The following GABRG3 variants were observed in gnomAD, a reference collection of about 807,000 sequenced individuals.
GABRG3 encodes the protein gamma-aminobutyric acid type A receptor subunit gamma3, also known as gamma-aminobutyric acid receptor subunit gamma-3.
GABRG3 carries 25 observed loss-of-function variants against 48.8 expected under a neutral mutation model. The ratio of observed to expected loss-of-function variants is 0.51; its 90% CI spans 0.37 to 0.72. GABRG3 has a LOEUF of 0.72. GABRG3 is among the 30% of genes least tolerant of loss of function. The pLI, the probability that GABRG3 is intolerant of heterozygous loss-of-function variation, is 0.00. For synonymous variants in GABRG3, 227 were observed against 217.6 expected (o/e 1.04, Z -0.38); for missense variants, 394 against 577.9 (o/e 0.68, Z 3.26).
rs192175128 is a variant in GABRG3, at chr15:27,124,991, C to G, written c.270+98170C>G. Among the ~76,000 whole-genome samples the G allele has an allele frequency of 1.6e-3, 241 of 152,314 alleles. 1 individual carries two copies. Among genetic ancestry groups the G allele is most frequent in the Non-Finnish European group, 3.0e-3 (202 of 68,026 alleles). ...TGGTACTATTCTTCCTGCTTGCTTA[C>G]TGCTGTGTGGGATTATTTCTCCCTA... On this transcript the variant is annotated intron_variant, in intron 3 of 9. Coordinates refer to ENST00000615808, the MANE Select transcript of GABRG3 (RefSeq NM_033223.5).
At chr15:27,053,020 G>T (rs913339814) in intron 3 of GABRG3, among the ~76,000 whole-genome samples, 1 of 152,180 alleles carries the variant, frequency 6.6e-6, no homozygotes, top group African/African-American at 2.4e-5. Context: ...ACTCAAGGCG[G>T]ATTAAAGGCT....
At chr15:27,305,518 A>T (rs1398089599) in intron 3 of GABRG3, among the ~76,000 whole-genome samples, 1 of 146,124 alleles carries the variant, frequency 6.8e-6, no homozygotes, top group East Asian at 2.0e-4. Flanking sequence ...ATATAAACAT[A>T]TATATAATAT....
intron 2 of GABRG3, among the ~76,000 whole-genome samples, chr15:26,993,253 G>A (rs1468879576): frequency 1.3e-5 from 2 of 151,886 alleles, no homozygotes; most frequent in African/African-American, 4.8e-5. Context: ...CTCATTTTGA[G>A]TTTGGTTTGC....
intron 5 of GABRG3, among the ~76,000 whole-genome samples, chr15:27,452,644 T>G (rs1427275980): frequency 6.6e-6 from 1 of 152,208 alleles, no homozygotes; most frequent in Non-Finnish European, 1.5e-5. Flanking sequence ...CATAGAGGTC[T>G]TCATCCTCAT....
intron 3 of GABRG3, among the ~76,000 whole-genome samples, chr15:27,085,867 C>A (rs762093180): frequency 1.3e-5 from 2 of 152,148 alleles, no homozygotes; most frequent in African/African-American, 2.4e-5. Flanking sequence ...TTCTGCAAAT[C>A]TACAATGATC....
At chr15:27,235,754 A>G (rs1347125643) in intron 3 of GABRG3, among the ~76,000 whole-genome samples, 2 of 152,094 alleles carry the variant, frequency 1.3e-5, no homozygotes, top group African/African-American at 2.4e-5. Context: ...AATATCTTAG[A>G]CTCCAGGCTC....
intron 5 of GABRG3, among the ~76,000 whole-genome samples, chr15:27,403,982 G>A (rs1182773213): frequency 6.6e-6 from 1 of 151,650 alleles, no homozygotes; most frequent in Non-Finnish European, 1.5e-5. Flanking sequence ...AGCACTTTGG[G>A]AGGCCGAGGC....
chr15:27,147,296 G>T (rs1355241346), intron 3 of GABRG3, among the ~76,000 whole-genome samples: 3 of 151,994 alleles, frequency 2.0e-5, no homozygotes, highest in African/African-American at 7.2e-5. Context: ...AAACAAGAGA[G>T]CCTTAAAATA....
At chr15:27,506,466 CA>C (rs1318773138) in intron 6 of GABRG3, among the ~76,000 whole-genome samples, 5 of 152,248 alleles carry the variant, frequency 3.3e-5, no homozygotes, top group Admixed American at 6.5e-5. Flanking sequence ...TGAGTGCAAC[CA>C]CTGGCCAACA....
intron 3 of GABRG3, among the ~76,000 whole-genome samples, chr15:27,084,046 C>T (rs1271215506): frequency 6.6e-6 from 1 of 152,202 alleles, no homozygotes; most frequent in African/African-American, 2.4e-5. Context: ...GACTCAGCCT[C>T]AGGCCTCACC....
chr15:27,187,998 A>G (rs1247808288), intron 3 of GABRG3, among the ~76,000 whole-genome samples: 2 of 150,668 alleles, frequency 1.3e-5, no homozygotes, highest in African/African-American at 4.9e-5. Context: ...TGTTCTTGCG[A>G]CAGTTTACTG....
At chr15:27,001,763 C>T (rs890439016) in intron 2 of GABRG3, among the ~76,000 whole-genome samples, 3 of 152,130 alleles carry the variant, frequency 2.0e-5, no homozygotes, top group Non-Finnish European at 1.5e-5. Context: ...GTCATATGAC[C>T]TTTCTCCAGT....
intron 5 of GABRG3, among the ~76,000 whole-genome samples, chr15:27,387,088 T>A (rs1401207630): frequency 6.6e-6 from 1 of 152,144 alleles, no homozygotes; most frequent in Non-Finnish European, 1.5e-5. Context: ...TTACCCAGAA[T>A]CTCCAAATAT....
intron 3 of GABRG3, among the ~76,000 whole-genome samples, chr15:27,250,158 T>G (rs926618368): frequency 6.6e-6 from 1 of 152,090 alleles, no homozygotes; most frequent in Non-Finnish European, 1.5e-5. Flanking sequence ...TCAGGAACTG[T>G]GATGCCTGTG....
At chr15:27,147,987 A>G (rs1898240428) in intron 3 of GABRG3, among the ~76,000 whole-genome samples, 1 of 151,998 alleles carries the variant, frequency 6.6e-6, no homozygotes, top group African/African-American at 2.4e-5. Context: ...AAATGAAAAA[A>G]GAATAGAAAG....
rs568441331 is a variant in GABRG3, at chr15:27,335,394, A to G, written c.574+6506A>G. ...ATTTTAGTCTCTTCACATCCTCACCAACACTTGTTATCTTTTCCCTTTTTA... is the reference window on the plus strand; with the variant it reads ...ATTTTAGTCTCTTCACATCCTCACCGACACTTGTTATCTTTTCCCTTTTTA... On this transcript the variant is annotated intron_variant, in intron 5 of 9. Transcript: ENST00000615808. Among the ~76,000 whole-genome samples, 4 of 152,324 alleles carry G rather than the reference A, an allele frequency of 2.6e-5. No homozygotes were observed. The East Asian group carries it at 7.7e-4, about 29-fold the overall frequency.
At chr15:27,390,527 A>C (rs1896188244) in intron 5 of GABRG3, among the ~76,000 whole-genome samples, 1 of 149,416 alleles carries the variant, frequency 6.7e-6, no homozygotes. Context: ...CAATAGAAAC[A>C]GGGCTCATGG....
At chr15:26,985,039 A>G (rs1003924738) in intron 2 of GABRG3, among the ~76,000 whole-genome samples, 3 of 152,182 alleles carry the variant, frequency 2.0e-5, no homozygotes, top group African/African-American at 7.2e-5. Flanking sequence ...TCTAAAATGT[A>G]TTTTCCCAGT....
intron 3 of GABRG3, among the ~76,000 whole-genome samples, chr15:27,134,868 A>T (rs138140474): frequency 1.2e-3 from 189 of 152,332 alleles, no homozygotes; most frequent in African/African-American, 4.1e-3. Flanking sequence ...GAAGCTAGGG[A>T]TCCTTCCTGG....
Sources: gnomAD v4.1 joint callset for allele counts (sites outside exome capture counted in the v4.1 genomes callset) on GRCh38, gnomAD v4.1.1 for gene constraint, MANE v1.5 for transcripts, NCBI Gene and HGNC (gene_info 2026-07-23, HGNC 2026-07-21) for gene names.